Variants in NYAP2 observed in about 807,000 individuals in gnomAD.
The protein encoded by NYAP2 is neuronal tyrosine-phosphorylated phosphoinositide-3-kinase adaptor 2, also known as neuronal tyrosine-phosphorylated phosphoinositide-3-kinase adapter 2.
In NYAP2, 23 loss-of-function variants were observed where a neutral mutation model predicts 50.4. That is an observed-to-expected ratio of 0.46 (90% CI 0.33 to 0.65). NYAP2 has a LOEUF of 0.65. Ranked by LOEUF, NYAP2 falls within the 30% of genes least tolerant of loss-of-function variation. The pLI is 0.02. For missense variants in NYAP2, 885 were observed against 861.0 expected, an observed-to-expected ratio of 1.03 and a Z score of -0.35; for synonymous variants, 394 against 365.2, an observed-to-expected ratio of 1.08 and a Z score of -0.90.
intron 3 of NYAP2, among the ~76,000 whole-genome samples, chr2:225,458,023 G>T (rs1689766990): frequency 6.6e-6 from 1 of 151,810 alleles, no homozygotes; most frequent in Non-Finnish European, 1.5e-5. Flanking sequence ...TTAGTTACCT[G>T]GTTGTTACAG....
chr2:225,696,081 T>A, the NYAP2 span, among the ~76,000 whole-genome samples: 6 of 152,096 alleles, frequency 3.9e-5, no homozygotes, highest in Non-Finnish European at 7.4e-5. Flanking sequence ...GAAACAGTAA[T>A]ACATACAACA....
At chr2:225,413,938 C>T (rs1299816647) in intron 3 of NYAP2, among the ~76,000 whole-genome samples, 2 of 152,236 alleles carry the variant, frequency 1.3e-5, no homozygotes, top group East Asian at 1.9e-4. Flanking sequence ...ATTTCAGAAA[C>T]GTGCAGACTG....
chr2:225,413,953 G>A (rs1695085945), intron 3 of NYAP2, among the ~76,000 whole-genome samples: 1 of 152,122 alleles, frequency 6.6e-6, no homozygotes, highest in Admixed American at 6.6e-5. Flanking sequence ...AGACTGCCAA[G>A]GATTGCTTAA....
chr2:225,689,238 T>G, the NYAP2 span, among the ~76,000 whole-genome samples: 1 of 152,154 alleles, frequency 6.6e-6, no homozygotes, highest in Non-Finnish European at 1.5e-5. Flanking sequence ...TTTCCTCATT[T>G]TACAGGCAGA....
intron 3 of NYAP2, among the ~76,000 whole-genome samples, chr2:225,504,988 A>G (rs981272865): frequency 1.3e-5 from 2 of 149,484 alleles, no homozygotes; most frequent in African/African-American, 4.9e-5. Context: ...AGCCTGGGTG[A>G]CGGAGCAAGA....
intron 5 of NYAP2, among the ~76,000 whole-genome samples, chr2:225,611,608 T>C (rs1366605675): frequency 6.6e-6 from 1 of 151,920 alleles, no homozygotes; most frequent in Admixed American, 6.6e-5. Context: ...TTAAAAAAAA[T>C]CATCTATTAT....
At chr2:225,464,862 T>C (rs1213609776) in intron 3 of NYAP2, among the ~76,000 whole-genome samples, 4 of 152,192 alleles carry the variant, frequency 2.6e-5, no homozygotes, top group Non-Finnish European at 5.9e-5. Flanking sequence ...CAGTTTCAGT[T>C]TCATTTTTAT....
At chr2:225,482,225 A>G (rs1690218594) in intron 3 of NYAP2, among the ~76,000 whole-genome samples, 1 of 152,124 alleles carries the variant, frequency 6.6e-6, no homozygotes, top group Non-Finnish European at 1.5e-5. Flanking sequence ...TTTTCATTAT[A>G]AAAACATCTT....
intron 4 of NYAP2, among the ~76,000 whole-genome samples, chr2:225,570,653 G>T (rs1056818267): frequency 6.6e-6 from 1 of 152,156 alleles, no homozygotes; most frequent in Non-Finnish European, 1.5e-5. Flanking sequence ...TTCTCACTGG[G>T]CCCATCCCAT....
Position 225,408,837 on chromosome 2 carries a change from A to C in NYAP2, c.-17-27A>C, listed in dbSNP as rs377463240. 2.4e-5 allele frequency: 33 copies of C among 1,374,754 alleles called. No homozygotes were observed. The African/African-American group carries it at 4.3e-4, about 18-fold the overall frequency. The allele number at this position is 1,374,754 out of a possible 1,614,324, so 85.2% of individuals were successfully genotyped here. ...CTTGCTTTTTTCCCCACCCTGGATA[A>C]AAGTAAAATGTGTTCTCACCCTGCA... On this transcript the variant is annotated intron_variant, in intron 2 of 6. Coordinates refer to ENST00000636099, the Ensembl canonical transcript of NYAP2.
At chr2:225,702,063 C>T in the NYAP2 span, 1 of 151,668 alleles carries the variant, frequency 6.6e-6, no homozygotes, top group South Asian at 2.1e-4. Context: ...TGTAAAATAA[C>T]TACACTCACA....
intron 3 of NYAP2, among the ~76,000 whole-genome samples, chr2:225,471,467 G>A (rs1398890069): frequency 6.6e-6 from 1 of 152,090 alleles, no homozygotes; most frequent in Non-Finnish European, 1.5e-5. Flanking sequence ...AGAAAATATT[G>A]AGGCACAGGT....
chr2:225,625,465 C>T (rs553656153), intron 5 of NYAP2, among the ~76,000 whole-genome samples: 64 of 152,190 alleles, frequency 4.2e-4, no homozygotes, highest in Middle Eastern at 3.4e-3. Context: ...AAGGTCAGTG[C>T]AGAGATGACC....
intron 6 of NYAP2, among the ~76,000 whole-genome samples, chr2:225,632,828 C>G (rs1202170431): frequency 1.3e-5 from 2 of 152,192 alleles, no homozygotes; most frequent in Non-Finnish European, 2.9e-5. Flanking sequence ...CACCTACCCC[C>G]CACAGACTGT....
At chr2:225,502,781 C>T (rs1463912300) in intron 3 of NYAP2, among the ~76,000 whole-genome samples, 3 of 152,180 alleles carry the variant, frequency 2.0e-5, no homozygotes, top group East Asian at 1.9e-4. Flanking sequence ...TTCCATTGCA[C>T]CTGCCTTATA....
At chr2:225,696,698 G>A in the NYAP2 span, among the ~76,000 whole-genome samples, 1 of 151,930 alleles carries the variant, frequency 6.6e-6, no homozygotes, top group African/African-American at 2.4e-5. Flanking sequence ...CACGTTCACA[G>A]TTCTTTCTAG....
At chr2:225,491,312 G>T (rs1340859470) in intron 3 of NYAP2, among the ~76,000 whole-genome samples, 3 of 152,154 alleles carry the variant, frequency 2.0e-5, no homozygotes, top group African/African-American at 7.2e-5. Context: ...GCCTGGTTGA[G>T]GTGCGAGGAA....
chr2:225,518,144 A>G (rs1372721319), intron 4 of NYAP2, among the ~76,000 whole-genome samples: 1 of 152,062 alleles, frequency 6.6e-6, no homozygotes, highest in Non-Finnish European at 1.5e-5. Flanking sequence ...ACACACATAC[A>G]CACACATACA....
chr2:225,454,565 G>A lies in NYAP2; in HGVS notation c.221+45464G>A, dbSNP rs114698225. ...GTTAATATCTTACATCAGGGGTAGG[G>A]ATCAGGCTGCACAGCAGGAGGTGAG... On this transcript the variant is annotated intron_variant, in intron 3 of 6. Transcript: ENST00000636099. Among the ~76,000 whole-genome samples, 820 of 152,252 alleles carry A rather than the reference G, an allele frequency of 5.4e-3. 7 individuals are homozygous for A. The highest frequency in any genetic ancestry group is 0.024 in the Middle Eastern group (7 of 294).
Sources: allele counts gnomAD v4.1 joint callset (sites outside exome capture counted in the v4.1 genomes callset), GRCh38; gene constraint gnomAD v4.1.1; transcripts MANE v1.5; gene names NCBI Gene and HGNC (gene_info 2026-07-23, HGNC 2026-07-21).